DENND5A: variants seen among roughly 807,000 people sequenced by gnomAD.
The protein encoded by DENND5A is DENN domain-containing protein 5A.
In DENND5A, 64 loss-of-function variants were observed where a neutral mutation model predicts 140.3. That is an observed-to-expected ratio of 0.46 (90% CI 0.37 to 0.56). The LOEUF is 0.56. Among genes scored for constraint, DENND5A ranks in the 20% least tolerant of loss-of-function variants. The pLI is 0.00. For synonymous variants in DENND5A, 605 were observed against 607.7 expected (o/e 1.00, Z 0.07); for missense variants, 1,292 against 1,593.8 (o/e 0.81, Z 3.22).
Position 9,243,075 on chromosome 11 carries a change from G to A in DENND5A, c.109+21886C>T, listed in dbSNP as rs570702606. Among the ~76,000 whole-genome samples the A allele has an allele frequency of 2.6e-3, 315 of 121,826 alleles. 4 individuals are homozygous for A. The highest frequency in any genetic ancestry group is 6.5e-3 in the Middle Eastern group (1 of 154). 79.9% of individuals were successfully genotyped at this position (121,826 alleles called of 152,430 possible). On this transcript the variant is annotated intron_variant, in intron 1 of 22. Coordinates refer to ENST00000328194, the MANE Select transcript of DENND5A (RefSeq NM_015213.4). ...TGCACTCCAGCCTGGGCGACACAGC[G>A]AGACTCTGTCTCAAAAAAAAAAAAA...
intron 1 of DENND5A, among the ~76,000 whole-genome samples, chr11:9,237,798 G>A (rs143079316): frequency 2.7e-3 from 404 of 151,702 alleles, no homozygotes; most frequent in African/African-American, 9.4e-3. Context: ...CAGTAGAATC[G>A]CTTGAACCCA....
chr11:9,263,367 C>T (rs1379029635), intron 1 of DENND5A, among the ~76,000 whole-genome samples: 1 of 151,440 alleles, frequency 6.6e-6, no homozygotes, highest in Non-Finnish European at 1.5e-5. Flanking sequence ...ATTACAGGCA[C>T]GCGCCACGAC....
chr11:9,165,359 CAATT>C (rs1848153299), intron 11 of DENND5A, among the ~76,000 whole-genome samples: 1 of 152,138 alleles, frequency 6.6e-6, no homozygotes, highest in Non-Finnish European at 1.5e-5. Flanking sequence ...TGCATGCTCT[CAATT>C]AATGGTATAT....
At chr11:9,194,513 G>A (rs1335945339) in intron 4 of DENND5A, among the ~76,000 whole-genome samples, 2 of 151,346 alleles carry the variant, frequency 1.3e-5, no homozygotes, top group African/African-American at 4.9e-5. Context: ...AGGTTGCAGT[G>A]AGCCGAGACT....
chr11:9,184,609 T>C (rs1848844998), intron 5 of DENND5A, among the ~76,000 whole-genome samples: 1 of 152,176 alleles, frequency 6.6e-6, no homozygotes, highest in South Asian at 2.1e-4. Flanking sequence ...TCCCAAAACT[T>C]GGTATTATCA....
chr11:9,181,076 G>A lies in DENND5A; in HGVS notation c.1146C>T (p.Leu382=), dbSNP rs764639546. 10 of 1,612,838 alleles carry A rather than the reference G, an allele frequency of 6.2e-6. No individual in the cohort carries two copies. In the South Asian group the frequency reaches 1.1e-4, roughly 18 times the overall value. The change falls in exon 6 of 23, where the codon CTC becomes CTT. Residue 382 remains leucine (L), a synonymous_variant. Transcript: ENST00000328194. ...AGTGGTTGTCAATGTCCACAAAGCA[G>A]AGGTTAGCCTGGAAGTCAAAACAGG... ...SKLELPQEAN[L]CFVDIDNHFI... is the part of the protein sequence containing the mutation.
At chr11:9,214,205 A>G (rs1849997945) in intron 1 of DENND5A, among the ~76,000 whole-genome samples, 1 of 152,096 alleles carries the variant, frequency 6.6e-6, no homozygotes, top group Non-Finnish European at 1.5e-5. Context: ...TCACACTTCT[A>G]TTTTTTGTGC....
At chr11:9,234,344 A>T (rs1452442513) in intron 1 of DENND5A, among the ~76,000 whole-genome samples, 1 of 152,070 alleles carries the variant, frequency 6.6e-6, no homozygotes, top group Non-Finnish European at 1.5e-5. Context: ...CAAAAAGAGA[A>T]ATTATAACCA....
intron 21 of DENND5A, 61 bp from the exon 22 acceptor site, chr11:9,142,169 A>G: frequency 7.0e-7 from 1 of 1,425,800 alleles, no homozygotes; most frequent in South Asian, 1.5e-5. Flanking sequence ...TGACGGTCCT[A>G]CAGGCCACTT....
chr11:9,152,011 A>T (rs1201015969), intron 13 of DENND5A, among the ~76,000 whole-genome samples: 1 of 152,226 alleles, frequency 6.6e-6, no homozygotes, highest in Non-Finnish European at 1.5e-5. Context: ...AGATAATCAT[A>T]ATGCCCATGT....
Position 9,204,030 on chromosome 11 carries a change from G to A in DENND5A, c.579C>T (p.Ser193=), listed in dbSNP as rs765948376. ...TPVTKLQRFN[S]YDISRDTLYV... ...AGAGAGTGTCCCGGCTAATGTCATA[G>A]GAGTTGAAGCGCTGCAGTTTGGTCA... The change falls in exon 4 of 23, where the codon TCC becomes TCT. Residue 193 remains serine, a synonymous_variant. Transcript: ENST00000328194. The A allele has an allele frequency of 6.2e-7, 1 of 1,614,146 alleles. No homozygotes were observed. Among genetic ancestry groups the A allele is most frequent in the South Asian group, 1.1e-5 (1 of 91,070 alleles).
At chr11:9,170,362 T>C in intron 9 of DENND5A, 1 of 875,012 alleles carries the variant, frequency 1.1e-6, no homozygotes, top group Non-Finnish European at 1.4e-6. Flanking sequence ...GATCCAGGCA[T>C]GAGATGATTT....
chr11:9,245,904 G>GATT (rs1851451862), intron 1 of DENND5A, among the ~76,000 whole-genome samples: 1 of 152,144 alleles, frequency 6.6e-6, no homozygotes, highest in South Asian at 2.1e-4. Context: ...AAAGTGCTGG[G>GATT]ATTATAGGCG....
At chr11:9,215,369 A>G (rs934025864) in intron 1 of DENND5A, among the ~76,000 whole-genome samples, 1 of 152,188 alleles carries the variant, frequency 6.6e-6, no homozygotes, top group Non-Finnish European at 1.5e-5. Flanking sequence ...AACTGCATCT[A>G]GGACAAACTG....
At chr11:9,225,192 A>T (rs1590300758) in intron 1 of DENND5A, among the ~76,000 whole-genome samples, 1 of 152,324 alleles carries the variant, frequency 6.6e-6, no homozygotes. Context: ...CATAAATCAA[A>T]CTCGCAGCCA....
chr11:9,162,924 G>C (rs973860020), intron 11 of DENND5A, among the ~76,000 whole-genome samples: 1 of 147,968 alleles, frequency 6.8e-6, no homozygotes, highest in East Asian at 2.0e-4. Flanking sequence ...GGCTGGAACC[G>C]AACTCCCAGG....
intron 1 of DENND5A, 144 bp downstream of exon 1, chr11:9,264,817 G>A (rs1471469652): frequency 4.5e-6 from 3 of 659,618 alleles, no homozygotes; most frequent in African/African-American, 2.0e-5. Flanking sequence ...CCAGTCCAAA[G>A]CCCCCTTCGC....
chr11:9,159,629 T>C (rs1170419604), intron 12 of DENND5A, among the ~76,000 whole-genome samples: 1 of 152,180 alleles, frequency 6.6e-6, no homozygotes, highest in Non-Finnish European at 1.5e-5. Flanking sequence ...GCTATGAACA[T>C]TTGTATACAA....
chr11:9,200,293 C>T (rs1013781382), intron 4 of DENND5A, among the ~76,000 whole-genome samples: 11 of 152,178 alleles, frequency 7.2e-5, no homozygotes, highest in African/African-American at 2.4e-4. Context: ...CCCTATTCAA[C>T]TAATTCTCCA....
Sources: gnomAD v4.1 joint callset for allele counts (sites outside exome capture counted in the v4.1 genomes callset) on GRCh38, gnomAD v4.1.1 for gene constraint, MANE v1.5 for transcripts, NCBI Gene and HGNC (gene_info 2026-07-23, HGNC 2026-07-21) for gene names.